Variants in MED18 observed in about 807,000 individuals in gnomAD.
The protein encoded by MED18 is mediator of RNA polymerase II transcription subunit 18.
A neutral mutation model predicts 13.9 loss-of-function variants in MED18; 10 were observed. The ratio of observed to expected loss-of-function variants is 0.72; its 90% CI spans 0.44 to 1.22. The LOEUF is 1.22. MED18 is among the 50% of genes most tolerant of loss of function. The pLI, the probability that MED18 is intolerant of heterozygous loss-of-function variation, is 0.00. For synonymous variants in MED18, 88 were observed against 93.2 expected (o/e 0.94, Z 0.32); for missense variants, 216 against 279.0 (o/e 0.77, Z 1.61).
At chr1:28,330,462 G>C (rs560369471) in intron 1 of MED18, 135 bp from the exon 2 acceptor site, 1 of 431,676 alleles carries the variant, frequency 2.3e-6, no homozygotes, top group Non-Finnish European at 4.2e-6. Context: ...TGTGTCATCA[G>C]TTCCTGGAAC....
At position 28,334,844 on chromosome 1, in the gene MED18, T is replaced by C. The variant is rs1353796140; in HGVS notation, c.501T>C (p.Tyr167=). 2 of 1,614,018 alleles carry C rather than the reference T, an allele frequency of 1.2e-6. No individual in the cohort carries two copies. The highest frequency in any genetic ancestry group is 1.7e-6 in the Non-Finnish European group (2 of 1,180,010). The change falls in exon 3 of 3, where the codon TAT becomes TAC. Residue 167 remains tyrosine, a synonymous_variant. Coordinates refer to ENST00000373842, the MANE Select transcript of MED18 (RefSeq NM_017638.3). ...GCACTGAGGCCTTGTCACTCTCCTA[T>C]CTCGTGGAATTAAGTGTGGTAGCAC... The part of the protein sequence containing the change: ...TDSTEALSLS[Y]LVELSVVAPA...
chr1:28,332,668 G>T (rs1275816190), intron 2 of MED18, among the ~76,000 whole-genome samples: 2 of 152,156 alleles, frequency 1.3e-5, no homozygotes, highest in Non-Finnish European at 2.9e-5. Context: ...ATGATGTTTG[G>T]CAGGTAGCAG....
chr1:28,334,053 C>A (rs1649838305), intron 2 of MED18, among the ~76,000 whole-genome samples: 1 of 124,540 alleles, frequency 8.0e-6, no homozygotes, highest in African/African-American at 2.8e-5. Context: ...CATAGTAAGA[C>A]CCCAACTCTA....
Position 28,334,946 on chromosome 1 carries a change from A to G in MED18, c.603A>G (p.Lys201=), listed in dbSNP as rs1557755109. ...EQLKPLVHLE[K]IDPKRLM ...TAAAACCTCTGGTTCACCTAGAGAA[A>G]ATAGACCCCAAGAGGCTCATGTGAC... Residue 201 remains lysine (K), a synonymous_variant, in exon 3 of 3, where the codon AAA becomes AAG. Transcript: ENST00000373842. 1 of 1,613,900 alleles carries G rather than the reference A, an allele frequency of 6.2e-7. No individual in the cohort carries two copies. Among genetic ancestry groups the G allele is most frequent in the Non-Finnish European group, 8.5e-7 (1 of 1,179,846 alleles).
rs1008227565 is a variant in MED18 at position 28,334,650 on chromosome 1, C to T, written c.307C>T (p.Arg103Ter). ...MGDKNRHALVRNCVDIATSEN... is the reference protein window; with the variant it reads ...MGDKNRHALV ...AGACAAGAACCGCCATGCCCTGGTG[C>T]GAAACTGCGTGGACATTGCCACATC... The change falls in exon 3 of 3, where the codon CGA becomes TGA. Residue 103 changes from arginine to a stop codon, truncating the protein, a stop_gained. Coordinates refer to ENST00000373842, the MANE Select transcript of MED18 (RefSeq NM_017638.3). LOFTEE classifies it high-confidence loss of function. 1.3e-5 allele frequency: 21 copies of T among 1,614,066 alleles called. No homozygotes were observed. Among genetic ancestry groups the T allele is most frequent in the East Asian group, 2.2e-5 (1 of 44,892 alleles).
At chr1:28,332,054 A>G (rs1649755508) in intron 2 of MED18, among the ~76,000 whole-genome samples, 1 of 152,166 alleles carries the variant, frequency 6.6e-6, no homozygotes, top group Non-Finnish European at 1.5e-5. Context: ...GATTTTGTAA[A>G]CAAGTATCTG....
intron 2 of MED18, among the ~76,000 whole-genome samples, chr1:28,332,400 A>T (rs1441174845): frequency 2.6e-5 from 4 of 151,392 alleles, no homozygotes; most frequent in African/African-American, 4.9e-5. Flanking sequence ...ACAGAGTGAG[A>T]CCCTACCTAA....
In MED18 at chr1:28,335,954, C is replaced by G. The variant is rs567824248; in HGVS notation, c.*984C>G. ...GAGCTTGTGTTACATGGTAATAAAG[C>G]CAATGAAGAGACATGTCTGTGTAAT... is the stretch of plus-strand genomic sequence containing the variant. On this transcript the variant is annotated 3_prime_UTR_variant, in exon 3 of 3. Coordinates refer to ENST00000373842, the MANE Select transcript of MED18 (RefSeq NM_017638.3). The G allele has an allele frequency of 6.6e-6, 1 of 152,062 alleles. No individual in the cohort carries two copies. The highest frequency in any genetic ancestry group is 1.5e-5 in the Non-Finnish European group (1 of 68,030). The allele number at this position is 152,062 out of a possible 1,614,324, so 9.4% of individuals were successfully genotyped here.
chr1:28,334,095 A>AT (rs1649840293), intron 2 of MED18, among the ~76,000 whole-genome samples: 2 of 152,262 alleles, frequency 1.3e-5, no homozygotes, highest in East Asian at 3.9e-4. Flanking sequence ...CTAAAACAGT[A>AT]TTATTACATT....
intron 1 of MED18, 77 bp from the exon 2 acceptor site, chr1:28,330,520 G>T (rs1005406355): frequency 1.6e-5 from 9 of 568,260 alleles, no homozygotes; most frequent in Non-Finnish European, 2.8e-5. Flanking sequence ...ATGAATCTTT[G>T]ATTTGAAGGC....
intron 1 of MED18, among the ~76,000 whole-genome samples, chr1:28,329,524 T>A (rs537806203): frequency 1.3e-5 from 2 of 152,056 alleles, no homozygotes; most frequent in East Asian, 3.9e-4. Flanking sequence ...CAACCTCCAG[T>A]TGATCCGCCG....
intron 2 of MED18, among the ~76,000 whole-genome samples, chr1:28,334,095 A>T (rs903199968): frequency 2.0e-5 from 3 of 152,144 alleles, no homozygotes; most frequent in African/African-American, 7.2e-5. Flanking sequence ...CTAAAACAGT[A>T]TTATTACATT....
chr1:28,333,824 C>T (rs1274648887), intron 2 of MED18, among the ~76,000 whole-genome samples: 3 of 152,184 alleles, frequency 2.0e-5, no homozygotes, highest in Non-Finnish European at 4.4e-5. Flanking sequence ...CGCACCACTG[C>T]ACTCCAGCCT....
chr1:28,333,658 G>A (rs1249013323), intron 2 of MED18, among the ~76,000 whole-genome samples: 1 of 152,088 alleles, frequency 6.6e-6, no homozygotes, highest in East Asian at 1.9e-4. Flanking sequence ...TCAAGAGATC[G>A]AGACCATCCT....
At chr1:28,329,727 C>T (rs761287233) in intron 1 of MED18, among the ~76,000 whole-genome samples, 26 of 152,214 alleles carry the variant, frequency 1.7e-4, no homozygotes, top group South Asian at 4.1e-4. Flanking sequence ...GCCTGGGCTA[C>T]AGAGCGAGAT....
In MED18 at chr1:28,335,132, C is replaced by T. The variant is rs1011444109; in HGVS notation, c.*162C>T. 33 of 651,400 alleles carry T rather than the reference C, an allele frequency of 5.1e-5. No individual in the cohort carries two copies. The East Asian group carries it at 7.4e-4, about 15-fold the overall frequency. The allele number at this position is 651,400 out of a possible 1,614,324, so 40.4% of individuals were successfully genotyped here. A position where few individuals can be genotyped will look rare whatever the true frequency, so the allele number is the denominator to read the frequency against. On this transcript the variant is annotated 3_prime_UTR_variant, in exon 3 of 3. Coordinates refer to ENST00000373842, the MANE Select transcript of MED18 (RefSeq NM_017638.3). ...TCTCGGCTCACTGCAACCTCTGCCT[C>T]CTGGGTTCAAGCAATTCTCCCACCT...
chr1:28,335,197 A>C lies in MED18; in HGVS notation c.*227A>C. ...GCTGGGATTACAGGCACATGCCACC[A>C]TGCTCAGCTAATTTTTGTATTTTTA... On this transcript the variant is annotated 3_prime_UTR_variant, in exon 3 of 3. Coordinates refer to ENST00000373842, the MANE Select transcript of MED18 (RefSeq NM_017638.3). The C allele has an allele frequency of 2.1e-6, 1 of 475,926 alleles. No homozygotes were observed. The allele number at this position is 475,926 out of a possible 1,614,324, so 29.5% of individuals were successfully genotyped here.
chr1:28,331,543 A>G (rs985963437), intron 2 of MED18, among the ~76,000 whole-genome samples: 2 of 151,846 alleles, frequency 1.3e-5, no homozygotes, highest in Admixed American at 1.3e-4. Flanking sequence ...CGTTGGCCAA[A>G]CTGATCTTGA....
chr1:28,334,295 G>T (rs998264209), intron 2 of MED18, 122 bp from the exon 3 acceptor site: 1 of 1,024,198 alleles, frequency 9.8e-7, no homozygotes, highest in Admixed American at 2.3e-5. Context: ...ATGTTTGGCT[G>T]TATGTTTTAT....
Sources: allele counts gnomAD v4.1 joint callset (sites outside exome capture counted in the v4.1 genomes callset), GRCh38; gene constraint gnomAD v4.1.1; transcripts MANE v1.5; gene names NCBI Gene and HGNC (gene_info 2026-07-23, HGNC 2026-07-21).